ELF2: variants seen among roughly 807,000 people sequenced by gnomAD.
ELF2 encodes ETS-related transcription factor Elf-2.
Under a neutral mutation model 54.8 loss-of-function variants are expected in ELF2, and 11 were observed. That is an observed-to-expected ratio of 0.20 (90% CI 0.13 to 0.33). The LOEUF (loss-of-function observed/expected upper bound fraction) is 0.33. ELF2 is among the 10% of genes least tolerant of loss of function. The probability of loss-of-function intolerance (pLI) is 1.00; values close to 1 mark genes in which losing one functional copy is unlikely to be tolerated. For synonymous variants in ELF2, 203 were observed against 245.1 expected (o/e 0.83, Z 1.61); for missense variants, 513 against 703.0 (o/e 0.73, Z 3.06).
At chr4:139,062,331 C>T (rs904592402) in intron 7 of ELF2, among the ~76,000 whole-genome samples, 4 of 152,132 alleles carry the variant, frequency 2.6e-5, no homozygotes, top group African/African-American at 9.7e-5. Flanking sequence ...CCACCACACC[C>T]GGCTAATTTT....
chr4:139,078,994 T>C (rs1272546787), intron 4 of ELF2, among the ~76,000 whole-genome samples: 1 of 152,174 alleles, frequency 6.6e-6, no homozygotes, highest in African/African-American at 2.4e-5. Flanking sequence ...AGTGGCATGA[T>C]CATGGTTCAC....
chr4:139,064,829 G>C (rs1578668604), intron 7 of ELF2, among the ~76,000 whole-genome samples: 1 of 151,990 alleles, frequency 6.6e-6, no homozygotes, highest in East Asian at 1.9e-4. Flanking sequence ...GCAGTGAACT[G>C]AGATCATGCC....
intron 4 of ELF2, among the ~76,000 whole-genome samples, chr4:139,098,411 T>G (rs1733512294): frequency 6.6e-6 from 1 of 152,150 alleles, no homozygotes. Context: ...TCTATTTTAT[T>G]ATACCAGCTC....
chr4:139,085,559 T>C (rs1402119693), intron 4 of ELF2, among the ~76,000 whole-genome samples: 1 of 152,326 alleles, frequency 6.6e-6, no homozygotes, highest in East Asian at 1.9e-4. Context: ...ACATAGCCCA[T>C]GACTATTTTT....
chr4:139,137,281 A>C (rs1738279434), intron 3 of ELF2: 1 of 211,668 alleles, frequency 4.7e-6, no homozygotes, highest in Non-Finnish European at 9.3e-6. Flanking sequence ...CTTAGAATGA[A>C]TCTAATTTAG....
At chr4:139,121,784 T>C (rs1736377172) in intron 4 of ELF2, among the ~76,000 whole-genome samples, 2 of 152,220 alleles carry the variant, frequency 1.3e-5, no homozygotes, top group African/African-American at 4.8e-5. Context: ...ATTTACTATA[T>C]GTTTAGATGA....
chr4:139,082,792 G>A (rs1731302517), intron 4 of ELF2, among the ~76,000 whole-genome samples: 1 of 152,232 alleles, frequency 6.6e-6, no homozygotes, highest in South Asian at 2.1e-4. Flanking sequence ...GAACCGGGAA[G>A]AGGAACATGT....
chr4:139,125,388 T>C, intron 3 of ELF2, 59 bp from the exon 4 acceptor site: 1 of 1,582,678 alleles, frequency 6.3e-7, no homozygotes, highest in East Asian at 2.2e-5. Flanking sequence ...TGAATTCACT[T>C]ATAAATCCTT....
chr4:139,060,109 C>T (rs1415652005), intron 9 of ELF2, among the ~76,000 whole-genome samples: 3 of 152,108 alleles, frequency 2.0e-5, no homozygotes, highest in African/African-American at 7.2e-5. Context: ...CTTGGACTCC[C>T]AAAGGGCTAT....
At chr4:139,109,538 T>C (rs1734753049) in intron 4 of ELF2, among the ~76,000 whole-genome samples, 1 of 152,224 alleles carries the variant, frequency 6.6e-6, no homozygotes, top group Admixed American at 6.5e-5. Context: ...GAGATACCTC[T>C]TCTTTAGAAT....
intron 1 of ELF2, among the ~76,000 whole-genome samples, chr4:139,150,016 G>A (rs1409314073): frequency 1.3e-5 from 2 of 152,044 alleles, no homozygotes; most frequent in Admixed American, 6.6e-5. Flanking sequence ...GCAACATGGT[G>A]AAACCCCATC....
chr4:139,150,077 C>T (rs959590723), intron 1 of ELF2, among the ~76,000 whole-genome samples: 7 of 152,080 alleles, frequency 4.6e-5, no homozygotes, highest in Admixed American at 1.3e-4. Flanking sequence ...CAGTGGCTCA[C>T]GCCTGTAATC....
chr4:139,138,288 G>A (rs934752135), intron 2 of ELF2, among the ~76,000 whole-genome samples: 2 of 151,956 alleles, frequency 1.3e-5, no homozygotes, highest in South Asian at 2.1e-4. Flanking sequence ...ATGGTGAAGC[G>A]TGCCTGTAGT....
At chr4:139,146,957 A>G (rs1739280897) in intron 1 of ELF2, among the ~76,000 whole-genome samples, 1 of 152,212 alleles carries the variant, frequency 6.6e-6, no homozygotes, top group Admixed American at 6.5e-5. Context: ...TCTTCTGGAC[A>G]TTGGCCTAGG....
At chr4:139,129,753 TCTA>T (rs1240912985) in intron 3 of ELF2, among the ~76,000 whole-genome samples, 1 of 152,192 alleles carries the variant, frequency 6.6e-6, no homozygotes, top group African/African-American at 2.4e-5. Flanking sequence ...AGTCTTCAAA[TCTA>T]CTATTTGCCC....
Position 139,058,166 on chromosome 4 carries a change from G to A in ELF2, c.*817C>T, listed in dbSNP as rs1271923038. ...TGACACAGGCATGTTACAGCAAAAGGCCAGAGCCAACTGTTAATTTGTCCA... is the reference window on the plus strand; with the variant it reads ...TGACACAGGCATGTTACAGCAAAAGACCAGAGCCAACTGTTAATTTGTCCA... On this transcript the variant is annotated 3_prime_UTR_variant, in exon 10 of 10. Coordinates refer to ENST00000686138, the MANE Select transcript of ELF2 (RefSeq NM_001331036.3). The A allele has an allele frequency of 1.1e-4, 17 of 152,398 alleles. No homozygotes were observed. The highest frequency in any genetic ancestry group is 1.1e-3 in the Admixed American group (17 of 15,252). 9.4% of individuals were successfully genotyped at this position (152,398 alleles called of 1,614,324 possible). A position where few individuals can be genotyped will look rare whatever the true frequency, so the allele number is the denominator to read the frequency against.
At chr4:139,169,082 T>C (rs1380163753) in intron 1 of ELF2, among the ~76,000 whole-genome samples, 1 of 151,922 alleles carries the variant, frequency 6.6e-6, no homozygotes, top group Non-Finnish European at 1.5e-5. Flanking sequence ...GACAGGCAGA[T>C]CACGCTTGTA....
chr4:139,073,718 A>C (rs1377983181), intron 4 of ELF2, 151 bp from the exon 5 acceptor site: 1 of 391,496 alleles, frequency 2.6e-6, no homozygotes, highest in Non-Finnish European at 4.5e-6. Context: ...ATTGATATCT[A>C]TTCGTCTATA....
chr4:139,170,872 A>G (rs1387895446), intron 1 of ELF2, among the ~76,000 whole-genome samples: 1 of 151,832 alleles, frequency 6.6e-6, no homozygotes, highest in African/African-American at 2.4e-5. Flanking sequence ...CAGCCTTCTG[A>G]GTAGCTGAGA....
Sources: gnomAD v4.1 joint callset for allele counts (sites outside exome capture counted in the v4.1 genomes callset) on GRCh38, gnomAD v4.1.1 for gene constraint, MANE v1.5 for transcripts, NCBI Gene and HGNC (gene_info 2026-07-23, HGNC 2026-07-21) for gene names.